The following ZBTB46 variants were observed in gnomAD, a reference collection of about 807,000 sequenced individuals.
ZBTB46 encodes the protein zinc finger and BTB domain containing 46.
Under a neutral mutation model 44.1 loss-of-function variants are expected in ZBTB46, and 8 were observed. The observed-to-expected ratio is 0.18, with a 90% CI of 0.11 to 0.33. ZBTB46 has a LOEUF of 0.33. ZBTB46 is among the 10% of genes least tolerant of loss of function. ZBTB46 has a pLI of 1.00. For synonymous variants in ZBTB46, 409 were observed against 382.3 expected (o/e 1.07, Z -0.81); for missense variants, 651 against 847.7 (o/e 0.77, Z 2.88).
intron 3 of ZBTB46, among the ~76,000 whole-genome samples, chr20:63,753,956 C>T (rs946507058): frequency 2.0e-5 from 3 of 152,254 alleles, no homozygotes; most frequent in Admixed American, 6.5e-5. Context: ...GCAGTCCCCA[C>T]TTGCCCTGCA....
chr20:63,746,898 G>A lies in ZBTB46; in HGVS notation c.*32C>T, dbSNP rs1203647713. The A allele has an allele frequency of 2.7e-5, 40 of 1,492,320 alleles. No individual in the cohort carries two copies. The highest frequency in any genetic ancestry group is 4.8e-5 in the East Asian group (2 of 41,678). The allele number at this position is 1,492,320 out of a possible 1,614,324, so 92.4% of individuals were successfully genotyped here. ...GGACACACACACGGGTGGACGGAGC[G>A]AGGCAGCCACCGACCCTGCCGGCGG... On this transcript the variant is annotated 3_prime_UTR_variant, in exon 5 of 5. Coordinates refer to ENST00000245663, the MANE Select transcript of ZBTB46 (RefSeq NM_001369741.1).
Position 63,775,927 on chromosome 20 carries a change from C to T in ZBTB46, c.973G>A (p.Asp325Asn), listed in dbSNP as rs750171292. 5 of 1,589,744 alleles carry T rather than the reference C, an allele frequency of 3.1e-6. No homozygotes were observed. Among genetic ancestry groups the T allele is most frequent in the East Asian group, 4.5e-5 (2 of 44,690 alleles). The change falls in exon 3 of 5, where the codon GAC (aspartate) becomes AAC (asparagine). Residue 325 changes from aspartate to asparagine, a missense_variant. Asp to Asn is a conservative substitution (Grantham distance 23). Transcript: ENST00000245663. ...DLSVTEASSS[D>N]SRGERAELYA... The stretch of plus-strand genomic sequence containing the variant: ...AGCTCGGCCCTCTCTCCTCGGCTGT[C>T]GGAGCTGCTGGCTTCGGTGACGGAC...
intron 1 of ZBTB46, chr20:63,816,351 A>G: frequency 5.5e-6 from 1 of 180,720 alleles, no homozygotes; most frequent in Non-Finnish European, 1.1e-5. Context: ...CTCTCCTCAC[A>G]GGCTCACATC....
chr20:63,821,200 AG>A (rs2146084784), intron 1 of ZBTB46, among the ~76,000 whole-genome samples: 1 of 108,866 alleles, frequency 9.2e-6, no homozygotes, highest in Admixed American at 9.3e-5. Flanking sequence ...TTTTTTTTTC[AG>A]TAGAGACAGG....
At chr20:63,751,310 T>G (rs1426114530) in intron 4 of ZBTB46, among the ~76,000 whole-genome samples, 4 of 152,184 alleles carry the variant, frequency 2.6e-5, no homozygotes, top group African/African-American at 9.7e-5. Context: ...CTCCCAGGAC[T>G]GTTCCTTCTC....
chr20:63,796,636 G>A (rs1459892643), intron 1 of ZBTB46, among the ~76,000 whole-genome samples: 3 of 152,162 alleles, frequency 2.0e-5, no homozygotes, highest in Admixed American at 1.3e-4. Flanking sequence ...GACCAGCCTG[G>A]CCAATATGGT....
intron 4 of ZBTB46, among the ~76,000 whole-genome samples, chr20:63,750,213 C>T (rs887204011): frequency 6.6e-6 from 1 of 152,160 alleles, no homozygotes; most frequent in Non-Finnish European, 1.5e-5. Flanking sequence ...CAGAGCCTCT[C>T]CTCAGAAAAA....
At chr20:63,784,352 G>A (rs941026796) in intron 2 of ZBTB46, among the ~76,000 whole-genome samples, 4 of 152,172 alleles carry the variant, frequency 2.6e-5, no homozygotes, top group East Asian at 1.9e-4. Flanking sequence ...CTAGGCACCC[G>A]AGAGGCCATT....
At chr20:63,810,986 G>A (rs925344276) in intron 1 of ZBTB46, among the ~76,000 whole-genome samples, 9 of 152,158 alleles carry the variant, frequency 5.9e-5, no homozygotes, top group African/African-American at 9.7e-5. Flanking sequence ...GAGCTCCAGC[G>A]GCAGAGCCGG....
At chr20:63,764,939 G>T (rs1005177546) in intron 3 of ZBTB46, among the ~76,000 whole-genome samples, 1 of 151,054 alleles carries the variant, frequency 6.6e-6, no homozygotes, top group African/African-American at 2.4e-5. Context: ...TTTCTTTTGA[G>T]ACGGAGTCTT....
At chr20:63,789,717 A>T in intron 2 of ZBTB46, 104 bp downstream of exon 2, 1 of 1,496,522 alleles carries the variant, frequency 6.7e-7, no homozygotes. Context: ...CTAGAAAGCC[A>T]CCAGTGTGAG....
chr20:63,771,817 C>G (rs2092377024), intron 3 of ZBTB46, among the ~76,000 whole-genome samples: 1 of 152,180 alleles, frequency 6.6e-6, no homozygotes, highest in Non-Finnish European at 1.5e-5. Flanking sequence ...TACCTCAGTG[C>G]ATGCCGGAAA....
chr20:63,770,572 C>T (rs1262355137), intron 3 of ZBTB46, among the ~76,000 whole-genome samples: 1 of 152,216 alleles, frequency 6.6e-6, no homozygotes, highest in Admixed American at 6.5e-5. Flanking sequence ...CAGAACCCAT[C>T]CCCAAAGGCC....
chr20:63,801,311 T>C (rs539250452), intron 1 of ZBTB46, among the ~76,000 whole-genome samples: 1 of 152,332 alleles, frequency 6.6e-6, no homozygotes, highest in African/African-American at 2.4e-5. Flanking sequence ...GTGCTCTGTG[T>C]CTAGCTATCT....
At position 63,763,549 on chromosome 20, in the gene ZBTB46, C is replaced by T. The variant is rs115434960; in HGVS notation, c.1223-10688G>A. Among the ~76,000 whole-genome samples the T allele has an allele frequency of 4.1e-3, 622 of 152,198 alleles. 7 individuals are homozygous for T. Among genetic ancestry groups the T allele is most frequent in the African/African-American group, 0.014 (597 of 41,512 alleles). ...GGAGGGTCATGGGGGAGGTGCCACA[C>T]GCTTTTAATCGACCGGATCTTGTGA... On this transcript the variant is annotated intron_variant, in intron 3 of 4. Coordinates refer to ENST00000245663, the MANE Select transcript of ZBTB46 (RefSeq NM_001369741.1).
At position 63,758,550 on chromosome 20, in the gene ZBTB46, G is replaced by A. The variant is rs112721032; in HGVS notation, c.1223-5689C>T. On this transcript the variant is annotated intron_variant, in intron 3 of 4. Coordinates refer to ENST00000245663, the MANE Select transcript of ZBTB46 (RefSeq NM_001369741.1). The stretch of plus-strand genomic sequence containing the variant: ...AGTTATTTCTGTGTCTGTGTCCTAC[G>A]ACACCAGATTAACACAAATCCCCAG... Among the ~76,000 whole-genome samples, 515 of 151,538 alleles carry A rather than the reference G, an allele frequency of 3.4e-3. 3 individuals are homozygous for A. The highest frequency in any genetic ancestry group is 0.011 in the African/African-American group (467 of 41,232).
chr20:63,751,203 C>T lies in ZBTB46; in HGVS notation c.1398+1483G>A, dbSNP rs531439513. On this transcript the variant is annotated intron_variant, in intron 4 of 4. Transcript: ENST00000245663. ...GCCTGTGTGAACAGAAGCACATCCT[C>T]CGCTACGGAAAACAAGGCTGGGGCC... Among the ~76,000 whole-genome samples, 105 of 150,900 alleles carry T rather than the reference C, an allele frequency of 7.0e-4. 1 individual carries two copies. In the South Asian group the frequency reaches 8.4e-3, roughly 12 times the overall value.
chr20:63,814,222 G>A (rs2092734320), intron 1 of ZBTB46, among the ~76,000 whole-genome samples: 1 of 125,878 alleles, frequency 7.9e-6, no homozygotes, highest in African/African-American at 3.1e-5. Flanking sequence ...AACAAAGCAA[G>A]ACTCCGTCTC....
In ZBTB46 at chr20:63,803,308, C is replaced by T; in HGVS notation, c.-33-12518G>A. 2 of 985,176 alleles carry T rather than the reference C, an allele frequency of 2.0e-6. No individual in the cohort carries two copies. The highest frequency in any genetic ancestry group is 2.4e-6 in the Non-Finnish European group (2 of 829,690). The allele number at this position is 985,176 out of a possible 1,614,324, so 61.0% of individuals were successfully genotyped here. On this transcript the variant is annotated intron_variant, in intron 1 of 4. Coordinates refer to ENST00000245663, the MANE Select transcript of ZBTB46 (RefSeq NM_001369741.1). The surrounding 1 kb of genome is among the most constrained non-coding windows in gnomAD (Gnocchi z 4.0). ...ACATGAATACTGTGAAACTGTCGTA[C>T]AAATTAAATTTCATATACATCATAT... is the stretch of plus-strand genomic sequence containing the variant.
Sources: gnomAD v4.1 joint callset for allele counts (sites outside exome capture counted in the v4.1 genomes callset) on GRCh38, gnomAD v4.1.1 for gene constraint, Gnocchi (gnomAD v3.1) non-coding constraint, MANE v1.5 for transcripts, NCBI Gene and HGNC (gene_info 2026-07-23, HGNC 2026-07-21) for gene names.